Variants in CSNK2A2IP observed in about 807,000 individuals in gnomAD.
The protein encoded by CSNK2A2IP is casein kinase 2 subunit alpha' interacting protein, also known as casein kinase II subunit alpha'-interacting protein.
chr3:88,466,150 A>G, the CSNK2A2IP span: 1 of 1,231,572 alleles, frequency 8.1e-7, no homozygotes. Context: ...TTTCAAACCC[A>G]ATCAAATTGC....
the CSNK2A2IP span, among the ~76,000 whole-genome samples, chr3:88,339,266 C>T: frequency 8.3e-6 from 1 of 121,178 alleles, no homozygotes; most frequent in Non-Finnish European, 2.1e-5. Flanking sequence ...TTCATGAGTT[C>T]ATTTTTTTTT....
At chr3:88,362,280 A>G in the CSNK2A2IP span, among the ~76,000 whole-genome samples, 3 of 152,110 alleles carry the variant, frequency 2.0e-5, no homozygotes, top group Non-Finnish European at 4.4e-5. Flanking sequence ...ATTGGGGGTT[A>G]TTACCTAAAC....
the CSNK2A2IP span, among the ~76,000 whole-genome samples, chr3:88,380,527 C>T: frequency 2.6e-5 from 4 of 151,300 alleles, no homozygotes; most frequent in South Asian, 2.1e-4. Flanking sequence ...ATCACTAGAT[C>T]GGTAGAAATT....
At chr3:88,391,167 T>C in the CSNK2A2IP span, among the ~76,000 whole-genome samples, 53 of 152,272 alleles carry the variant, frequency 3.5e-4, no homozygotes, top group Admixed American at 2.9e-3. Flanking sequence ...TGTAGATATG[T>C]ACATATAGAT....
At chr3:88,421,794 C>A in the CSNK2A2IP span, among the ~76,000 whole-genome samples, 10 of 152,268 alleles carry the variant, frequency 6.6e-5, no homozygotes, top group Admixed American at 3.3e-4. Flanking sequence ...ACTCCACCAA[C>A]ACAGCACAGC....
At chr3:88,426,358 G>A in the CSNK2A2IP span, among the ~76,000 whole-genome samples, 1 of 152,160 alleles carries the variant, frequency 6.6e-6, no homozygotes. Context: ...GTTAATATGT[G>A]ATCCAGGAAC....
At chr3:88,373,442 C>T in the CSNK2A2IP span, among the ~76,000 whole-genome samples, 1 of 150,754 alleles carries the variant, frequency 6.6e-6, no homozygotes, top group Admixed American at 6.6e-5. Flanking sequence ...AAATTGAAAT[C>T]ACAAAATTTA....
chr3:88,346,058 G>T, the CSNK2A2IP span, among the ~76,000 whole-genome samples: 1 of 151,916 alleles, frequency 6.6e-6, no homozygotes. Flanking sequence ...AAAATTTGGT[G>T]GTCTGGATAG....
At chr3:88,454,250 T>A in the CSNK2A2IP span, among the ~76,000 whole-genome samples, 4 of 151,980 alleles carry the variant, frequency 2.6e-5, no homozygotes, top group Non-Finnish European at 4.4e-5. Flanking sequence ...TGTTCAAATA[T>A]TTAGCTAATT....
chr3:88,388,253 T>C, the CSNK2A2IP span, among the ~76,000 whole-genome samples: 1 of 152,216 alleles, frequency 6.6e-6, no homozygotes, highest in Non-Finnish European at 1.5e-5. Flanking sequence ...ATTATTGTCT[T>C]ACATGAAACA....
the CSNK2A2IP span, among the ~76,000 whole-genome samples, chr3:88,342,078 C>T: frequency 2.0e-5 from 3 of 151,920 alleles, no homozygotes; most frequent in East Asian, 5.8e-4. Context: ...GTGTGTATGT[C>T]TTTTTTTAGT....
chr3:88,406,132 A>G, the CSNK2A2IP span, among the ~76,000 whole-genome samples: 1 of 152,188 alleles, frequency 6.6e-6, no homozygotes, highest in African/African-American at 2.4e-5. Context: ...CAATTCAAAT[A>G]GAAGAAAATA....
chr3:88,389,300 C>A, the CSNK2A2IP span, among the ~76,000 whole-genome samples: 3 of 151,722 alleles, frequency 2.0e-5, no homozygotes, highest in Non-Finnish European at 2.9e-5. Context: ...TGAGGTATTA[C>A]AATGCTTCAT....
At chr3:88,339,600 A>C in the CSNK2A2IP span, among the ~76,000 whole-genome samples, 53 of 152,040 alleles carry the variant, frequency 3.5e-4, no homozygotes, top group Non-Finnish European at 5.4e-4. Context: ...GGAAAAGTCC[A>C]TTTCCGATGC....
chr3:88,349,385 A>C, the CSNK2A2IP span, among the ~76,000 whole-genome samples: 2 of 152,004 alleles, frequency 1.3e-5, no homozygotes, highest in Non-Finnish European at 2.9e-5. Context: ...AACATATGGC[A>C]TTTGGTTTTC....
the CSNK2A2IP span, among the ~76,000 whole-genome samples, chr3:88,370,732 T>C: frequency 6.6e-6 from 1 of 151,770 alleles, no homozygotes; most frequent in South Asian, 2.1e-4. Flanking sequence ...TGAATGTTTG[T>C]GTCCCCCCAA....
chr3:88,455,677 C>T, the CSNK2A2IP span, among the ~76,000 whole-genome samples: 1 of 151,742 alleles, frequency 6.6e-6, no homozygotes, highest in African/African-American at 2.4e-5. Flanking sequence ...TGATTGTTTC[C>T]TTTGTTATGC....
the CSNK2A2IP span, among the ~76,000 whole-genome samples, chr3:88,447,403 T>C: frequency 6.6e-6 from 1 of 152,132 alleles, no homozygotes; most frequent in Non-Finnish European, 1.5e-5. Flanking sequence ...AAGGGAAATT[T>C]AGAAACGTGT....
chr3:88,451,456 A>G, the CSNK2A2IP span, among the ~76,000 whole-genome samples: 1 of 150,404 alleles, frequency 6.6e-6, no homozygotes, highest in Non-Finnish European at 1.5e-5. Flanking sequence ...GAGTTGTGTG[A>G]GTTCATTATA....
Sources: allele counts gnomAD v4.1 joint callset (sites outside exome capture counted in the v4.1 genomes callset), GRCh38; gene constraint gnomAD v4.1.1; transcripts MANE v1.5; gene names NCBI Gene and HGNC (gene_info 2026-07-23, HGNC 2026-07-21).